The following GARNL3 variants were observed in gnomAD, a reference collection of about 807,000 sequenced individuals.
GARNL3 encodes the protein GTPase activating Rap/RanGAP domain like 3, also known as GTPase-activating Rap/Ran-GAP domain-like protein 3.
A neutral mutation model predicts 125.0 loss-of-function variants in GARNL3; 63 were observed. That is an observed-to-expected ratio of 0.50 (90% CI 0.41 to 0.62). The LOEUF (loss-of-function observed/expected upper bound fraction) is 0.62. Among genes scored for constraint, GARNL3 ranks in the 20% least tolerant of loss-of-function variants. The pLI, the probability that GARNL3 is intolerant of heterozygous loss-of-function variation, is 0.00. For synonymous variants in GARNL3, 439 were observed against 457.5 expected, an observed-to-expected ratio of 0.96 and a Z score of 0.52; for missense variants, 994 against 1,244.0, an observed-to-expected ratio of 0.80 and a Z score of 3.02.
At chr9:127,289,415 G>A (rs1479415161) in intron 1 of GARNL3, among the ~76,000 whole-genome samples, 1 of 152,194 alleles carries the variant, frequency 6.6e-6, no homozygotes, top group Non-Finnish European at 1.5e-5. Context: ...GACAGAGTTC[G>A]GGAGAGTTCC....
At chr9:127,286,433 G>A (rs969871981) in intron 1 of GARNL3, among the ~76,000 whole-genome samples, 2 of 152,274 alleles carry the variant, frequency 1.3e-5, no homozygotes, top group South Asian at 4.2e-4. Flanking sequence ...CCTGTGTTCT[G>A]TTCTCTGCCC....
At chr9:127,231,570 G>C (rs747400615) in intron 1 of GARNL3, among the ~76,000 whole-genome samples, 1 of 152,132 alleles carries the variant, frequency 6.6e-6, no homozygotes, top group Non-Finnish European at 1.5e-5. Flanking sequence ...GAATTTGTGA[G>C]GTAAATCCTG....
chr9:127,348,473 C>A (rs1830259546), intron 16 of GARNL3, among the ~76,000 whole-genome samples: 1 of 152,194 alleles, frequency 6.6e-6, no homozygotes, highest in Admixed American at 6.5e-5. Flanking sequence ...CCTTTTAGTG[C>A]ATCATGTATG....
chr9:127,310,967 T>C (rs1444053669), intron 2 of GARNL3, among the ~76,000 whole-genome samples: 1 of 152,102 alleles, frequency 6.6e-6, no homozygotes, highest in East Asian at 1.9e-4. Context: ...ATTTAACTTC[T>C]AAGAATTATC....
At chr9:127,244,015 G>A (rs899372514) in intron 2 of GARNL3, among the ~76,000 whole-genome samples, 2 of 152,186 alleles carry the variant, frequency 1.3e-5, no homozygotes, top group Non-Finnish European at 2.9e-5. Context: ...CTTGTTTACT[G>A]TACCCAGTGC....
intron 7 of GARNL3, among the ~76,000 whole-genome samples, chr9:127,328,106 G>A (rs765270411): frequency 6.6e-6 from 1 of 152,142 alleles, no homozygotes; most frequent in African/African-American, 2.4e-5. Context: ...TCAGGGGCTG[G>A]ACCCTGAAAG....
At chr9:127,247,917 A>C (rs1208710603) in intron 2 of GARNL3, among the ~76,000 whole-genome samples, 1 of 151,602 alleles carries the variant, frequency 6.6e-6, no homozygotes, top group Non-Finnish European at 1.5e-5. Context: ...GCTTACCACT[A>C]CCCCCTGTCC....
chr9:127,302,926 T>C (rs2812284), intron 2 of GARNL3, among the ~76,000 whole-genome samples: 123,998 of 152,104 alleles, frequency 0.82, 51,201 homozygotes, highest in African/African-American at 0.95. Context: ...CCGAGGTGGG[T>C]GGATCACGAG....
chr9:127,309,586 T>C (rs895230850), intron 2 of GARNL3, among the ~76,000 whole-genome samples: 1 of 152,176 alleles, frequency 6.6e-6, no homozygotes, highest in African/African-American at 2.4e-5. Flanking sequence ...TCAAGCAGTA[T>C]ATTAAAAGAA....
chr9:127,349,921 G>T (rs1830337315), intron 17 of GARNL3, among the ~76,000 whole-genome samples: 1 of 152,192 alleles, frequency 6.6e-6, no homozygotes. Context: ...GCCTAAAACT[G>T]TGGCATCTTC....
intron 23 of GARNL3, 49 bp downstream of exon 23, chr9:127,383,594 G>A: frequency 7.8e-7 from 1 of 1,274,274 alleles, no homozygotes; most frequent in Non-Finnish European, 1.1e-6. Flanking sequence ...GGATATGTCT[G>A]AACTATTGTA....
intron 22 of GARNL3, among the ~76,000 whole-genome samples, chr9:127,376,577 G>GCTTTCTTTCTTT (rs58810186): frequency 1.6e-4 from 25 of 151,790 alleles, no homozygotes; most frequent in African/African-American, 5.8e-4. Context: ...ATAGTGGACA[G>GCTTTCTTTCTTT]CTTTCTTTCT....
At position 127,384,360 on chromosome 9, in the gene GARNL3, G is replaced by T. The variant is rs1032183421; in HGVS notation, c.2270-667G>T. Among the ~76,000 whole-genome samples the T allele has an allele frequency of 2.0e-5, 3 of 152,130 alleles. No homozygotes were observed. Among genetic ancestry groups the T allele is most frequent in the African/African-American group, 7.2e-5 (3 of 41,416 alleles). On this transcript the variant is annotated intron_variant, in intron 23 of 27. Transcript: ENST00000373387. This position sits in a 1 kb window ranked among gnomAD's most constrained non-coding sequence, Gnocchi z 4.0. ...AGAGTGCAGAGAGAGCCAGTGCGAA[G>T]AAGGGGACAACACGAAGTGCCAGGA...
At chr9:127,291,118 T>C (rs1361927324) in intron 1 of GARNL3, 50 bp from the exon 2 acceptor site, 5 of 1,559,712 alleles carry the variant, frequency 3.2e-6, no homozygotes, top group East Asian at 2.2e-5. Context: ...TACATACAGA[T>C]AGAAGAGACA....
At chr9:127,227,616 C>CA (rs574389180) in intron 1 of GARNL3, among the ~76,000 whole-genome samples, 1,497 of 142,876 alleles carry the variant, frequency 0.01, 39 homozygotes, top group African/African-American at 0.036. Flanking sequence ...AAACAAAAAA[C>CA]AAAAAAAAAA....
At chr9:127,274,656 C>G (rs771738191) in intron 1 of GARNL3, among the ~76,000 whole-genome samples, 3 of 152,160 alleles carry the variant, frequency 2.0e-5, no homozygotes, top group Non-Finnish European at 2.9e-5. Context: ...ATGCTGGTAT[C>G]CTGGGAGTCT....
intron 1 of GARNL3, among the ~76,000 whole-genome samples, chr9:127,229,645 G>A (rs780789508): frequency 1.4e-4 from 22 of 152,122 alleles, no homozygotes; most frequent in Non-Finnish European, 2.6e-4. Flanking sequence ...ACAGGTGAGT[G>A]CCACCATGCC....
Position 127,304,456 on chromosome 9 carries a change from G to A in GARNL3, c.220-7180G>A, listed in dbSNP as rs376824724. On this transcript the variant is annotated intron_variant, in intron 2 of 27. Coordinates refer to ENST00000373387, the MANE Select transcript of GARNL3 (RefSeq NM_032293.5). ...TGAACACACATACGTCTGTGTCACC[G>A]GATGTATACCCAACAGAAATGAGTA... Among the ~76,000 whole-genome samples, 14 of 151,852 alleles carry A rather than the reference G, an allele frequency of 9.2e-5. No individual in the cohort carries two copies. In the South Asian group the frequency reaches 2.1e-3, roughly 23 times the overall value.
At chr9:127,355,978 G>A (rs1830668084) in intron 20 of GARNL3, among the ~76,000 whole-genome samples, 1 of 152,162 alleles carries the variant, frequency 6.6e-6, no homozygotes. Context: ...GGCAGAGGGA[G>A]CAGCCAGGCA....
Sources: allele counts gnomAD v4.1 joint callset (sites outside exome capture counted in the v4.1 genomes callset), GRCh38; gene constraint gnomAD v4.1.1; non-coding constraint Gnocchi (gnomAD v3.1); transcripts MANE v1.5; gene names NCBI Gene and HGNC (gene_info 2026-07-23, HGNC 2026-07-21).